Variants in TSNARE1 observed in about 807,000 individuals in gnomAD.
The protein encoded by TSNARE1 is t-SNARE domain containing 1.
In TSNARE1, 49 loss-of-function variants were observed where a neutral mutation model predicts 62.0. The observed-to-expected ratio is 0.79, with a 90% CI of 0.63 to 1.00. TSNARE1 has a LOEUF of 1.00. Ranked by LOEUF, TSNARE1 falls within the 50% of genes least tolerant of loss-of-function variation. The pLI, the probability that TSNARE1 is intolerant of heterozygous loss-of-function variation, is 0.00. For missense variants in TSNARE1, 755 were observed against 700.1 expected, an observed-to-expected ratio of 1.08 and a Z score of -0.88; for synonymous variants, 328 against 294.4, an observed-to-expected ratio of 1.11 and a Z score of -1.17.
At chr8:142,361,421 G>A (rs1474968987) in intron 1 of TSNARE1, among the ~76,000 whole-genome samples, 2 of 152,184 alleles carry the variant, frequency 1.3e-5, no homozygotes, top group Admixed American at 6.5e-5. Context: ...GGGCTGAGCC[G>A]CCAACCAGGA....
At chr8:142,301,243 T>C (rs548364897) in intron 9 of TSNARE1, among the ~76,000 whole-genome samples, 29 of 94,214 alleles carry the variant, frequency 3.1e-4, no homozygotes, top group Non-Finnish European at 3.7e-4. Context: ...GCCCTGCCCA[T>C]GCCAGCGGGC....
intron 12 of TSNARE1, among the ~76,000 whole-genome samples, chr8:142,260,941 C>A (rs1274661741): frequency 9.5e-5 from 1 of 10,498 alleles, no homozygotes; most frequent in Middle Eastern, 0.019. Flanking sequence ...AGCAGCAAGG[C>A]AGGATGCAGA....
At chr8:142,346,597 G>A (rs1833399061) in intron 2 of TSNARE1, among the ~76,000 whole-genome samples, 1 of 152,226 alleles carries the variant, frequency 6.6e-6, no homozygotes, top group Non-Finnish European at 1.5e-5. Context: ...CACGCCGTGT[G>A]CGCCAGGCTG....
intron 4 of TSNARE1, among the ~76,000 whole-genome samples, chr8:142,337,018 T>G (rs1472279171): frequency 6.6e-6 from 1 of 151,824 alleles, no homozygotes; most frequent in Non-Finnish European, 1.5e-5. Context: ...GGGAAGTGTA[T>G]AGCAATAAAT....
chr8:142,222,186 T>TCATC (rs1563754650), intron 13 of TSNARE1, among the ~76,000 whole-genome samples: 8 of 81,652 alleles, frequency 9.8e-5, no homozygotes, highest in East Asian at 4.4e-4. Context: ...ACTCATCCAC[T>TCATC]CACTCATTCA....
intron 1 of TSNARE1, among the ~76,000 whole-genome samples, chr8:142,375,058 G>A (rs1465986977): frequency 6.6e-6 from 1 of 152,190 alleles, no homozygotes; most frequent in Non-Finnish European, 1.5e-5. Flanking sequence ...CACAGTACTC[G>A]ACCACAGTAC....
chr8:142,251,299 A>C, intron 12 of TSNARE1, among the ~76,000 whole-genome samples: 2 of 143,968 alleles, frequency 1.4e-5, no homozygotes, highest in Admixed American at 6.9e-5. Context: ...GGAGTTTGAG[A>C]TTCCGGTCAG....
chr8:142,244,202 G>C (rs1274772383), intron 12 of TSNARE1, among the ~76,000 whole-genome samples: 2 of 152,148 alleles, frequency 1.3e-5, no homozygotes, highest in African/African-American at 2.4e-5. Context: ...GTCATGATTG[G>C]TAATAACAGA....
intron 12 of TSNARE1, chr8:142,274,164 G>A: frequency 1.0e-6 from 1 of 985,418 alleles, no homozygotes; most frequent in Non-Finnish European, 1.2e-6. Flanking sequence ...GGGCCAGTGG[G>A]GAGCACCAGG....
chr8:142,296,591 G>A (rs1370449110), intron 10 of TSNARE1, among the ~76,000 whole-genome samples: 2 of 152,014 alleles, frequency 1.3e-5, no homozygotes, highest in African/African-American at 2.4e-5. Context: ...GCTGACCCCA[G>A]GCAAGCAAGG....
chr8:142,222,509 CACT>C (rs1816383703), intron 13 of TSNARE1, among the ~76,000 whole-genome samples: 1 of 50,324 alleles, frequency 2.0e-5, no homozygotes, highest in East Asian at 3.8e-4. Flanking sequence ...CTCATCCACT[CACT>C]CACTCACTCA....
At chr8:142,406,216 T>G (rs1219354396), upstream of TSNARE1, 1 of 152,314 alleles carries the variant, frequency 6.6e-6, no homozygotes, top group African/African-American at 2.4e-5. Context: ...AATGGCACCG[T>G]CAGACTCATC....
chr8:142,241,215 A>T (rs1817656720), intron 12 of TSNARE1, among the ~76,000 whole-genome samples: 1 of 152,238 alleles, frequency 6.6e-6, no homozygotes, highest in South Asian at 2.1e-4. Context: ...TCACGTTTCT[A>T]TACACTAACA....
chr8:142,318,093 C>A (rs947597718), intron 7 of TSNARE1, among the ~76,000 whole-genome samples: 2 of 152,196 alleles, frequency 1.3e-5, no homozygotes, highest in African/African-American at 4.8e-5. Flanking sequence ...TGGCTTGAGG[C>A]CCATGCGTCT....
Position 142,354,678 on chromosome 8 carries a change from C to T in TSNARE1, c.47G>A (p.Gly16Asp). Residue 16 changes from glycine (G) to aspartate (D), a missense_variant, in exon 2 of 14, where the codon GGC becomes GAC. Gly to Asp is a moderately conservative substitution (Grantham distance 94). Transcript: ENST00000524325. ...IARGGGLGSR[G>D]PFGGPSRQGC... is the part of the protein sequence containing the mutation. ...TTGTCTCGAAGGTCCCCCGAAAGGG[C>T]CACGGCTCCCCAGGCCACCTCCACG... 1 of 1,613,614 alleles carries T rather than the reference C, an allele frequency of 6.2e-7. No homozygotes were observed. The highest frequency in any genetic ancestry group is 1.1e-5 in the South Asian group (1 of 91,052).
intron 11 of TSNARE1, among the ~76,000 whole-genome samples, chr8:142,283,459 T>C (rs1237773764): frequency 1.2e-4 from 18 of 145,402 alleles, no homozygotes; most frequent in Middle Eastern, 4.0e-3. Flanking sequence ...GCAGGGACAG[T>C]GTCAATGAAC....
At chr8:142,241,935 T>G (rs1217015575) in intron 12 of TSNARE1, among the ~76,000 whole-genome samples, 1 of 146,236 alleles carries the variant, frequency 6.8e-6, no homozygotes, top group Non-Finnish European at 1.5e-5. Flanking sequence ...AACAATCAAC[T>G]CAAAATGGCT....
chr8:142,338,260 C>G (rs1048790150), intron 4 of TSNARE1, among the ~76,000 whole-genome samples: 9 of 152,350 alleles, frequency 5.9e-5, no homozygotes, highest in African/African-American at 2.2e-4. Context: ...CTTACCTGCC[C>G]GCTGCAGACG....
At chr8:142,318,775 C>A in intron 6 of TSNARE1, 141 bp from the exon 7 acceptor site, 1 of 698,178 alleles carries the variant, frequency 1.4e-6, no homozygotes, top group Non-Finnish European at 2.5e-6. Flanking sequence ...GGAGAGAGGG[C>A]CGAGAGACAC....
Sources: gnomAD v4.1 joint callset for allele counts (sites outside exome capture counted in the v4.1 genomes callset) on GRCh38, gnomAD v4.1.1 for gene constraint, MANE v1.5 for transcripts, NCBI Gene and HGNC (gene_info 2026-07-23, HGNC 2026-07-21) for gene names.